DYNC1I1: variants seen among roughly 807,000 people sequenced by gnomAD.
DYNC1I1 encodes dynein cytoplasmic 1 intermediate chain 1.
A neutral mutation model predicts 86.6 loss-of-function variants in DYNC1I1; 43 were observed. That is an observed-to-expected ratio of 0.50 (90% CI 0.39 to 0.64). The LOEUF is 0.64. Ranked by LOEUF, DYNC1I1 falls within the 30% of genes least tolerant of loss-of-function variation. The pLI is 0.00. For synonymous variants in DYNC1I1, 262 were observed against 283.7 expected (o/e 0.92, Z 0.77); for missense variants, 604 against 788.8 (o/e 0.77, Z 2.81).
intron 11 of DYNC1I1, among the ~76,000 whole-genome samples, chr7:96,028,655 G>A (rs902776529): frequency 2.6e-5 from 4 of 152,190 alleles, no homozygotes; most frequent in Admixed American, 1.3e-4. Context: ...GTGGAAACAC[G>A]TATTTTCAAA....
intron 6 of DYNC1I1, among the ~76,000 whole-genome samples, chr7:95,932,879 AT>A (rs11392614): frequency 0.012 from 1,656 of 137,694 alleles, 20 homozygotes; most frequent in African/African-American, 0.041. Flanking sequence ...TTATTTTTTA[AT>A]TTTTTTTTTT....
Position 96,097,425 on chromosome 7 carries a change from A to G in DYNC1I1, c.1777-58A>G, listed in dbSNP as rs922939990. 5.0e-6 allele frequency: 8 copies of G among 1,591,562 alleles called. No individual in the cohort carries two copies. In the African/African-American group the frequency reaches 9.4e-5, roughly 19 times the overall value. On this transcript the variant is annotated intron_variant, in intron 16 of 16. Transcript: ENST00000447467. ...CAAAGGGACAGTCATTCAGGCTTCA[A>G]GGCTTTCAGACATGAAAGATATCTT... is the stretch of plus-strand genomic sequence containing the variant.
At chr7:96,045,207 A>G (rs2116071097) in intron 14 of DYNC1I1, among the ~76,000 whole-genome samples, 1 of 152,360 alleles carries the variant, frequency 6.6e-6, no homozygotes, top group Middle Eastern at 3.4e-3. Context: ...TAAGAGAATT[A>G]GTAACATAAG....
intron 6 of DYNC1I1, among the ~76,000 whole-genome samples, chr7:95,928,964 C>G (rs1480451375): frequency 6.6e-6 from 1 of 152,166 alleles, no homozygotes; most frequent in African/African-American, 2.4e-5. Context: ...CGTCCCCAAA[C>G]TTACCGGTAT....
chr7:95,820,515 G>C (rs1360634117), intron 4 of DYNC1I1, among the ~76,000 whole-genome samples: 1 of 152,218 alleles, frequency 6.6e-6, no homozygotes, highest in Non-Finnish European at 1.5e-5. Context: ...TTGTTTGACA[G>C]AGAAGACATG....
chr7:96,076,580 C>A (rs965389303), intron 15 of DYNC1I1, among the ~76,000 whole-genome samples: 8 of 152,130 alleles, frequency 5.3e-5, no homozygotes, highest in African/African-American at 1.9e-4. Context: ...TTAGATTGGG[C>A]TTTTAAAAAG....
At chr7:96,026,685 T>G (rs1794690922) in intron 10 of DYNC1I1, among the ~76,000 whole-genome samples, 1 of 152,162 alleles carries the variant, frequency 6.6e-6, no homozygotes, top group Admixed American at 6.6e-5. Context: ...CTGCCTCTAG[T>G]CCTTTTCCTT....
chr7:95,823,952 CTATATATATATA>C lies in DYNC1I1; in HGVS notation c.315-4089_315-4078del, dbSNP rs71127429. ...TTACTTTCAGATTTGTTCTACTAAACTATATATATATATATATATATATATATGTTTTGGTTT... is the reference window on the plus strand; with the variant it reads ...TTACTTTCAGATTTGTTCTACTAAACTATATATATATATATGTTTTGGTTT... On this transcript the variant is annotated intron_variant, in intron 4 of 16. Coordinates refer to ENST00000447467, the MANE Select transcript of DYNC1I1 (RefSeq NM_001135556.2). Among the ~76,000 whole-genome samples the C allele has an allele frequency of 4.4e-4, 34 of 77,876 alleles. 2 individuals are homozygous for C. The highest frequency in any genetic ancestry group is 1.2e-3 in the African/African-American group (18 of 15,122). 51.1% of individuals were successfully genotyped at this position (77,876 alleles called of 152,430 possible). A position where few individuals can be genotyped will look rare whatever the true frequency, so the allele number is the denominator to read the frequency against.
At chr7:95,985,061 C>G in intron 8 of DYNC1I1, 84 bp downstream of exon 8, 2 of 1,550,002 alleles carry the variant, frequency 1.3e-6, no homozygotes, top group South Asian at 2.5e-5. Flanking sequence ...TAGGAAAATT[C>G]CAAATTAAGA....
chr7:96,013,079 G>C (rs1418905840), intron 10 of DYNC1I1, among the ~76,000 whole-genome samples: 1 of 152,060 alleles, frequency 6.6e-6, no homozygotes, highest in East Asian at 1.9e-4. Flanking sequence ...TTGAAATGGG[G>C]AGGTTATCCT....
At chr7:96,049,501 TCTTTA>T (rs938756126) in intron 14 of DYNC1I1, among the ~76,000 whole-genome samples, 1 of 152,124 alleles carries the variant, frequency 6.6e-6, no homozygotes, top group African/African-American at 2.4e-5. Flanking sequence ...ACCTTCATAA[TCTTTA>T]CTTTAAACTT....
chr7:95,958,519 C>T (rs1487325514), intron 6 of DYNC1I1, among the ~76,000 whole-genome samples: 2 of 151,882 alleles, frequency 1.3e-5, no homozygotes, highest in Admixed American at 1.3e-4. Flanking sequence ...TGTGGTCATG[C>T]CACTATACTC....
intron 6 of DYNC1I1, among the ~76,000 whole-genome samples, chr7:95,952,443 C>A (rs1002000291): frequency 6.6e-6 from 1 of 152,132 alleles, no homozygotes; most frequent in East Asian, 1.9e-4. Flanking sequence ...ACAAGAGGTG[C>A]CTCATCAAGA....
At chr7:95,844,881 A>G (rs1025549151) in intron 5 of DYNC1I1, among the ~76,000 whole-genome samples, 3 of 152,206 alleles carry the variant, frequency 2.0e-5, no homozygotes, top group Non-Finnish European at 4.4e-5. Context: ...CTATCCCTAC[A>G]TCTTAGCAGA....
chr7:95,930,665 G>A (rs1308809182), intron 6 of DYNC1I1, among the ~76,000 whole-genome samples: 3 of 152,224 alleles, frequency 2.0e-5, no homozygotes, highest in African/African-American at 7.2e-5. Flanking sequence ...TCTGGAGCTT[G>A]AGGATGTGGC....
At chr7:95,819,280 T>C (rs1795020614) in intron 4 of DYNC1I1, among the ~76,000 whole-genome samples, 1 of 152,184 alleles carries the variant, frequency 6.6e-6, no homozygotes, top group Non-Finnish European at 1.5e-5. Context: ...AAAGCTTTGG[T>C]TAAATTTAGA....
rs918853510 is a variant in DYNC1I1, at chr7:96,097,972, G to T, written c.*379G>T. On this transcript the variant is annotated 3_prime_UTR_variant, in exon 17 of 17. Transcript: ENST00000447467. Reference sequence around the variant, plus strand: ...ATGAAGCCAGATATGATTGGGTGCAGATGTGGTGTTCCTCATATTATGGTA... The same window carrying T: ...ATGAAGCCAGATATGATTGGGTGCATATGTGGTGTTCCTCATATTATGGTA... The T allele has an allele frequency of 1.5e-5, 15 of 1,006,462 alleles. No individual in the cohort carries two copies. Among genetic ancestry groups the T allele is most frequent in the Non-Finnish European group, 1.8e-5 (15 of 842,154 alleles). The allele number at this position is 1,006,462 out of a possible 1,614,324, so 62.3% of individuals were successfully genotyped here. A position where few individuals can be genotyped will look rare whatever the true frequency, so the allele number is the denominator to read the frequency against.
At chr7:96,061,653 GTCTCTC>G (rs35374035) in intron 14 of DYNC1I1, among the ~76,000 whole-genome samples, 1 of 146,536 alleles carries the variant, frequency 6.8e-6, no homozygotes, top group African/African-American at 2.6e-5. Context: ...TGGAAAAAGA[GTCTCTC>G]TCTCTCTTCC....
At chr7:96,055,528 A>G (rs1462503608) in intron 14 of DYNC1I1, among the ~76,000 whole-genome samples, 1 of 152,202 alleles carries the variant, frequency 6.6e-6, no homozygotes, top group African/African-American at 2.4e-5. Flanking sequence ...GTTTTGTCCC[A>G]TGTTGATAAT....
Sources: allele counts gnomAD v4.1 joint callset (sites outside exome capture counted in the v4.1 genomes callset), GRCh38; gene constraint gnomAD v4.1.1; transcripts MANE v1.5; gene names NCBI Gene and HGNC (gene_info 2026-07-23, HGNC 2026-07-21).